The following GRIK4 variants were observed in gnomAD, a reference collection of about 807,000 sequenced individuals.
GRIK4 encodes glutamate receptor ionotropic, kainate 4.
A neutral mutation model predicts 104.9 loss-of-function variants in GRIK4; 40 were observed. The ratio of observed to expected loss-of-function variants is 0.38; its 90% CI spans 0.30 to 0.50. GRIK4 has a LOEUF of 0.50. Among genes scored for constraint, GRIK4 ranks in the 20% least tolerant of loss-of-function variants. The pLI, the probability that GRIK4 is intolerant of heterozygous loss-of-function variation, is 0.93. For synonymous variants in GRIK4, 485 were observed against 524.9 expected (o/e 0.92, Z 1.04); for missense variants, 1,047 against 1,308.1 (o/e 0.80, Z 3.08).
chr11:120,972,457 T>C (rs548866372), intron 19 of GRIK4, among the ~76,000 whole-genome samples: 1 of 152,318 alleles, frequency 6.6e-6, no homozygotes, highest in South Asian at 2.1e-4. Context: ...GAGAAGTATT[T>C]TGGAATACAG....
At chr11:120,820,416 C>A (rs932471468) in intron 6 of GRIK4, among the ~76,000 whole-genome samples, 1 of 152,154 alleles carries the variant, frequency 6.6e-6, no homozygotes, top group Non-Finnish European at 1.5e-5. Flanking sequence ...GAACAAGGTC[C>A]GAGGTCAATT....
chr11:120,894,480 T>G (rs1022545133), intron 11 of GRIK4: 2 of 152,226 alleles, frequency 1.3e-5, no homozygotes, highest in African/African-American at 2.4e-5. Context: ...TGCTTTTTTC[T>G]TATCTGCATT....
At chr11:120,849,924 T>G (rs1436330514) in intron 8 of GRIK4, among the ~76,000 whole-genome samples, 1 of 152,232 alleles carries the variant, frequency 6.6e-6, no homozygotes, top group Non-Finnish European at 1.5e-5. Context: ...TGTCACCAAC[T>G]ACATTTTCAT....
At chr11:120,885,209 G>T (rs1955083171) in intron 11 of GRIK4, among the ~76,000 whole-genome samples, 1 of 152,242 alleles carries the variant, frequency 6.6e-6, no homozygotes, top group African/African-American at 2.4e-5. Flanking sequence ...TCCTGGAGGT[G>T]AGAGAGGGGT....
chr11:120,818,413 C>T (rs750990467), intron 5 of GRIK4, among the ~76,000 whole-genome samples: 22 of 152,200 alleles, frequency 1.4e-4, no homozygotes, highest in African/African-American at 4.1e-4. Context: ...AAGAAAGATC[C>T]GTTATGACAC....
intron 3 of GRIK4, among the ~76,000 whole-genome samples, chr11:120,710,500 C>G (rs1950712715): frequency 6.6e-6 from 1 of 152,170 alleles, no homozygotes. Context: ...GTCTGGCCTG[C>G]TCTGTGGGCA....
intron 3 of GRIK4, among the ~76,000 whole-genome samples, chr11:120,796,624 C>T (rs536871371): frequency 6.6e-6 from 1 of 152,082 alleles, no homozygotes; most frequent in East Asian, 2.0e-4. Flanking sequence ...GGGACAGGGA[C>T]AGCATTGGCA....
At chr11:120,924,020 G>A (rs1328215163) in intron 13 of GRIK4, among the ~76,000 whole-genome samples, 1 of 152,156 alleles carries the variant, frequency 6.6e-6, no homozygotes, top group Non-Finnish European at 1.5e-5. Flanking sequence ...GGCGATTACA[G>A]CTCCCAGCAG....
chr11:120,760,651 C>T (rs1951734538), intron 3 of GRIK4, among the ~76,000 whole-genome samples: 1 of 151,918 alleles, frequency 6.6e-6, no homozygotes, highest in South Asian at 2.1e-4. Context: ...CTGTGCCCAA[C>T]GTTCTCATTG....
At chr11:120,722,420 C>A (rs1225061226) in intron 3 of GRIK4, among the ~76,000 whole-genome samples, 1 of 151,894 alleles carries the variant, frequency 6.6e-6, no homozygotes, top group Admixed American at 6.6e-5. Context: ...GGAGTTCTGA[C>A]CAACATGGTA....
chr11:120,634,606 A>G (rs1333837357), intron 1 of GRIK4, among the ~76,000 whole-genome samples: 2 of 151,720 alleles, frequency 1.3e-5, no homozygotes, highest in Non-Finnish European at 2.9e-5. Context: ...CTGTTCCTCT[A>G]GGGACCCACT....
At chr11:120,631,859 T>C (rs1949337131) in intron 1 of GRIK4, among the ~76,000 whole-genome samples, 1 of 152,188 alleles carries the variant, frequency 6.6e-6, no homozygotes, top group Admixed American at 6.5e-5. Flanking sequence ...ACAGGTTCCA[T>C]CTGCTCCAGA....
rs1948115932 is a variant in GRIK4, at chr11:120,549,227, T to TG, written c.-159+37340_-159+37341insG. Among the ~76,000 whole-genome samples the TG allele has an allele frequency of 6.6e-6, 1 of 152,024 alleles. No homozygotes were observed. The highest frequency in any genetic ancestry group is 1.5e-5 in the Non-Finnish European group (1 of 67,976). On this transcript the variant is annotated intron_variant, in intron 1 of 20. Transcript: ENST00000527524. This position sits in a 1 kb window ranked among gnomAD's most constrained non-coding sequence, Gnocchi z 4.7. Reference sequence around the variant, plus strand: ...AATTCTACTGCCTCAGCCTCCCAAGTAGCTGGGATTACAGGCACACGCCAC... The same window carrying TG: ...AATTCTACTGCCTCAGCCTCCCAAGTGAGCTGGGATTACAGGCACACGCCAC...
At chr11:120,782,916 G>A (rs1370953990) in intron 3 of GRIK4, among the ~76,000 whole-genome samples, 1 of 152,186 alleles carries the variant, frequency 6.6e-6, no homozygotes, top group Non-Finnish European at 1.5e-5. Flanking sequence ...CACAAGGCAG[G>A]AGGGCAAGTT....
intron 1 of GRIK4, among the ~76,000 whole-genome samples, chr11:120,520,291 C>G (rs569706505): frequency 6.6e-6 from 1 of 152,220 alleles, no homozygotes; most frequent in South Asian, 2.1e-4. Flanking sequence ...AGTCCCAGCC[C>G]GTCCAGCCAT....
chr11:120,591,113 T>C (rs937904463), intron 1 of GRIK4, among the ~76,000 whole-genome samples: 5 of 151,986 alleles, frequency 3.3e-5, no homozygotes, highest in African/African-American at 1.2e-4. Context: ...TCCAGCCACA[T>C]GTGAAAGAAT....
chr11:120,978,527 T>C (rs1454314141), intron 19 of GRIK4, among the ~76,000 whole-genome samples: 1 of 152,128 alleles, frequency 6.6e-6, no homozygotes, highest in African/African-American at 2.4e-5. Flanking sequence ...GTGTCACAGT[T>C]AGATTTTGCA....
chr11:120,586,057 G>A (rs1210958230), intron 1 of GRIK4, among the ~76,000 whole-genome samples: 1 of 152,174 alleles, frequency 6.6e-6, no homozygotes, highest in Non-Finnish European at 1.5e-5. Flanking sequence ...GGTAAGAGCT[G>A]GAGATAGGCA....
At chr11:120,519,886 T>TG (rs1947776211) in intron 1 of GRIK4, among the ~76,000 whole-genome samples, 2 of 149,480 alleles carry the variant, frequency 1.3e-5, no homozygotes, top group African/African-American at 5.0e-5. Flanking sequence ...TTTTGTTTTT[T>TG]TTTTTGTTGT....
Sources: gnomAD v4.1 joint callset for allele counts (sites outside exome capture counted in the v4.1 genomes callset) on GRCh38, gnomAD v4.1.1 for gene constraint, Gnocchi (gnomAD v3.1) non-coding constraint, MANE v1.5 for transcripts, NCBI Gene and HGNC (gene_info 2026-07-23, HGNC 2026-07-21) for gene names.